Variants in KCNN2 observed in about 807,000 individuals in gnomAD.
KCNN2 encodes small conductance calcium-activated potassium channel protein 2.
A neutral mutation model predicts 55.5 loss-of-function variants in KCNN2; 24 were observed. The observed-to-expected ratio is 0.43, with a 90% confidence interval of 0.31 to 0.61. KCNN2 has a LOEUF of 0.61. KCNN2 is among the 20% of genes least tolerant of loss of function. KCNN2 has a pLI of 0.08. For synonymous variants in KCNN2, 431 were observed against 336.1 expected, an observed-to-expected ratio of 1.28 and a Z score of -3.09; for missense variants, 754 against 853.6, an observed-to-expected ratio of 0.88 and a Z score of 1.45.
intron 2 of KCNN2, among the ~76,000 whole-genome samples, chr5:114,403,716 G>C (rs1194211385): frequency 6.6e-6 from 1 of 151,942 alleles, no homozygotes; most frequent in Non-Finnish European, 1.5e-5. Context: ...TTGCTTTCTC[G>C]CTGGTTTTTT....
At chr5:114,456,486 GTGT>G (rs1412327243) in intron 3 of KCNN2, among the ~76,000 whole-genome samples, 1 of 152,218 alleles carries the variant, frequency 6.6e-6, no homozygotes, top group Admixed American at 6.5e-5. Flanking sequence ...GACAAGATTA[GTGT>G]TGTTTTCATG....
At chr5:114,489,369 G>T (rs532844736) in intron 6 of KCNN2, among the ~76,000 whole-genome samples, 18 of 152,268 alleles carry the variant, frequency 1.2e-4, no homozygotes, top group South Asian at 4.2e-4. Flanking sequence ...TACAAGGCAT[G>T]TCGGCCCTTT....
intron 7 of KCNN2, among the ~76,000 whole-genome samples, chr5:114,494,403 T>C (rs896681408): frequency 4.7e-5 from 7 of 148,806 alleles, no homozygotes; most frequent in South Asian, 4.3e-4. Context: ...ACATACTAGA[T>C]GTTGAAGACA....
intron 2 of KCNN2, among the ~76,000 whole-genome samples, chr5:114,306,399 T>C (rs941640256): frequency 6.6e-6 from 1 of 152,188 alleles, no homozygotes; most frequent in Non-Finnish European, 1.5e-5. Context: ...AAGTCCCTGG[T>C]AGTGATACTA....
In KCNN2 at chr5:114,069,365, T is replaced by TA. The variant is rs1750519510; in HGVS notation, c.-271+12866dup. On this transcript the variant is annotated intron_variant, in intron 1 of 10. Coordinates refer to the KCNN2 transcript ENST00000512097. ...ATGCATCCTTTTGCCTCTCATTTTT[T>TA]ATGGTAATGGAGAACTAATGATTTT... 2.6e-5 allele frequency among the ~76,000 whole-genome samples: 4 copies of TA among 151,924 alleles called. No individual in the cohort carries two copies. In the South Asian group the frequency reaches 8.3e-4, roughly 32 times the overall value.
chr5:114,164,650 A>C (rs568286091), intron 1 of KCNN2, among the ~76,000 whole-genome samples: 5 of 152,274 alleles, frequency 3.3e-5, no homozygotes, highest in East Asian at 3.9e-4. Context: ...GTGTCCATTA[A>C]AATTGGAATT....
At chr5:114,478,001 G>T (rs1762049442) in intron 5 of KCNN2, among the ~76,000 whole-genome samples, 1 of 152,128 alleles carries the variant, frequency 6.6e-6, no homozygotes, top group South Asian at 2.1e-4. Flanking sequence ...AGCCCAGGGG[G>T]TTAACACATT....
At chr5:114,258,676 T>A (rs1755034956) in intron 2 of KCNN2, among the ~76,000 whole-genome samples, 1 of 152,206 alleles carries the variant, frequency 6.6e-6, no homozygotes, top group Non-Finnish European at 1.5e-5. Context: ...GGCAGGAATG[T>A]GATCCATTTC....
chr5:114,154,052 C>T (rs1752578968), intron 1 of KCNN2, among the ~76,000 whole-genome samples: 2 of 152,136 alleles, frequency 1.3e-5, no homozygotes, highest in Admixed American at 1.3e-4. Context: ...TATCACATGC[C>T]ATCCCCTTGT....
intron 5 of KCNN2, among the ~76,000 whole-genome samples, chr5:114,481,511 T>C (rs1762224199): frequency 6.6e-6 from 1 of 152,168 alleles, no homozygotes; most frequent in Admixed American, 6.5e-5. Flanking sequence ...TAAACTACCA[T>C]TGCCATTCTT....
chr5:114,431,199 C>T (rs1759781919), intron 3 of KCNN2, among the ~76,000 whole-genome samples: 1 of 152,036 alleles, frequency 6.6e-6, no homozygotes. Flanking sequence ...GGAGAATTCA[C>T]CAGTGAACCC....
At chr5:114,290,975 T>C (rs1443333403) in intron 2 of KCNN2, among the ~76,000 whole-genome samples, 1 of 152,146 alleles carries the variant, frequency 6.6e-6, no homozygotes. Flanking sequence ...TTAACCTTAA[T>C]AAAACTTGTT....
At chr5:114,114,730 A>T (rs768754043) in intron 1 of KCNN2, among the ~76,000 whole-genome samples, 40 of 152,258 alleles carry the variant, frequency 2.6e-4, no homozygotes, top group Admixed American at 5.9e-4. Context: ...GTGGTTTTCT[A>T]ATCAATCATC....
At chr5:114,149,380 CAG>C (rs1433466677) in intron 1 of KCNN2, among the ~76,000 whole-genome samples, 1 of 152,146 alleles carries the variant, frequency 6.6e-6, no homozygotes, top group Non-Finnish European at 1.5e-5. Flanking sequence ...CAGCAGCCCA[CAG>C]TGCAGCGGGG....
chr5:114,312,434 C>CATATATATAT (rs59964515), intron 2 of KCNN2, among the ~76,000 whole-genome samples: 14 of 23,358 alleles, frequency 6.0e-4, no homozygotes, highest in African/African-American at 8.8e-4. Flanking sequence ...CACACACACA[C>CATATATATAT]ATATATATAT....
chr5:114,225,246 A>G lies in KCNN2; in HGVS notation c.-185+3681A>G, dbSNP rs542525122. Among the ~76,000 whole-genome samples the G allele has an allele frequency of 1.1e-4, 16 of 152,342 alleles. No homozygotes were observed. The East Asian group carries it at 2.9e-3, about 28-fold the overall frequency. ...ATTAATTAATTTAAAGATCTAATTA[A>G]TTCTCTTAAATCCAAAAATAGACAC... On this transcript the variant is annotated intron_variant, in intron 2 of 10. Transcript: ENST00000512097.
chr5:114,264,602 C>G (rs1755172103), intron 2 of KCNN2, among the ~76,000 whole-genome samples: 2 of 152,102 alleles, frequency 1.3e-5, no homozygotes, highest in African/African-American at 2.4e-5. Flanking sequence ...TTGCTAAAAC[C>G]AGAAAGATGC....
chr5:114,291,484 C>G (rs1282828071), intron 2 of KCNN2, among the ~76,000 whole-genome samples: 3 of 152,106 alleles, frequency 2.0e-5, no homozygotes, highest in Non-Finnish European at 2.9e-5. Flanking sequence ...ATGATGGTTT[C>G]CAATTTCATC....
rs558009104 is a variant in KCNN2 at position 114,239,349 on chromosome 5, A to C, written c.-185+17784A>C. 2.0e-5 allele frequency among the ~76,000 whole-genome samples: 3 copies of C among 152,326 alleles called. No homozygotes were observed. The East Asian group carries it at 5.8e-4, about 29-fold the overall frequency. The stretch of plus-strand genomic sequence containing the variant: ...AAAAGAGGAAAAGTTAACCGGTGTG[A>C]GGAATAGAGGACAGAGAGGAGATGC... On this transcript the variant is annotated intron_variant, in intron 2 of 10. Transcript: ENST00000512097.
Sources: gnomAD v4.1 joint callset for allele counts (sites outside exome capture counted in the v4.1 genomes callset) on GRCh38, gnomAD v4.1.1 for gene constraint, MANE v1.5 for transcripts, NCBI Gene and HGNC (gene_info 2026-07-23, HGNC 2026-07-21) for gene names.